CNOT6L: variants seen among roughly 807,000 people sequenced by gnomAD.
CNOT6L encodes CCR4-NOT transcription complex subunit 6 like, also known as CCR4-NOT transcription complex subunit 6-like.
Under a neutral mutation model 64.0 loss-of-function variants are expected in CNOT6L, and 7 were observed. The observed-to-expected ratio is 0.11, with a 90% CI of 0.06 to 0.21. The LOEUF (loss-of-function observed/expected upper bound fraction) is 0.21, where lower values mean the gene tolerates loss of function less well. CNOT6L is among the 10% of genes least tolerant of loss of function. The pLI is 1.00. For missense variants in CNOT6L, 245 were observed against 669.0 expected, an observed-to-expected ratio of 0.37 and a Z score of 6.99; for synonymous variants, 193 against 243.4, an observed-to-expected ratio of 0.79 and a Z score of 1.93.
At chr4:77,815,267 C>T (rs1733438102) in intron 1 of CNOT6L, among the ~76,000 whole-genome samples, 1 of 152,182 alleles carries the variant, frequency 6.6e-6, no homozygotes, top group African/African-American at 2.4e-5. Context: ...ACTGCCAGAA[C>T]TCATTAAAGC....
At chr4:77,813,325 A>AATAG (rs3053876) in intron 1 of CNOT6L, among the ~76,000 whole-genome samples, 120,170 of 151,544 alleles carry the variant, frequency 0.79, 48,409 homozygotes, top group Non-Finnish European at 0.86. Flanking sequence ...ATAGATTAGA[A>AATAG]ATAGATATAT....
At chr4:77,792,726 A>AG (rs33915942) in intron 1 of CNOT6L, among the ~76,000 whole-genome samples, 5 of 9,396 alleles carry the variant, frequency 5.3e-4, no homozygotes, top group Non-Finnish European at 2.1e-3. Context: ...ACTCTGCCTT[A>AG]AAAAAAAAAA....
At chr4:77,813,210 T>A (rs1184352901) in intron 1 of CNOT6L, among the ~76,000 whole-genome samples, 1 of 152,146 alleles carries the variant, frequency 6.6e-6, no homozygotes, top group Non-Finnish European at 1.5e-5. Context: ...GGATCAAAGA[T>A]CTAAATGTAA....
In CNOT6L at chr4:77,773,173, T is replaced by TA. The variant is rs77348463; in HGVS notation, c.315-8dup. 49,732 of 1,261,226 alleles carry TA rather than the reference T, an allele frequency of 0.039. No homozygotes were observed. The highest frequency in any genetic ancestry group is 0.044 in the Non-Finnish European group (40,503 of 929,648). 78.1% of individuals were successfully genotyped at this position (1,261,226 alleles called of 1,614,324 possible). A position where few individuals can be genotyped will look rare whatever the true frequency, so the allele number is the denominator to read the frequency against. On this transcript the variant is annotated splice_polypyrimidine_tract_variant and splice_region_variant and intron_variant, in intron 3 of 11. Coordinates refer to ENST00000504123, the MANE Select transcript of CNOT6L (RefSeq NM_144571.3). ...GTTATTTAAAAGCAATTCCCTGTTT[T>TA]AAAAAAAAAAAAAAAATTAGTTTAA...
chr4:77,778,718 C>A (rs182495305), intron 1 of CNOT6L, among the ~76,000 whole-genome samples: 1 of 151,534 alleles, frequency 6.6e-6, no homozygotes, highest in African/African-American at 2.4e-5. Flanking sequence ...GCGTGAGCCA[C>A]GGCACCCAGC....
rs1466849505 is a variant in CNOT6L, at chr4:77,716,852, GAAT to G, written c.*3576_*3578del. On this transcript the variant is annotated 3_prime_UTR_variant, in exon 12 of 12. Coordinates refer to ENST00000504123, the MANE Select transcript of CNOT6L (RefSeq NM_144571.3). ...TTAGTAAAATTAAATACCTGCCTAT[GAAT>G]ATCAGAAAAGTAATTTGAAAAGAAA... 2 of 152,440 alleles carry G rather than the reference GAAT, an allele frequency of 1.3e-5. No homozygotes were observed. The highest frequency in any genetic ancestry group is 2.9e-5 in the Non-Finnish European group (2 of 67,992). The allele number at this position is 152,440 out of a possible 1,614,324, so 9.4% of individuals were successfully genotyped here.
At chr4:77,803,459 T>C (rs1731836322) in intron 1 of CNOT6L, among the ~76,000 whole-genome samples, 1 of 152,254 alleles carries the variant, frequency 6.6e-6, no homozygotes, top group Admixed American at 6.5e-5. Flanking sequence ...CCTAAAAATT[T>C]ATACTTTAAA....
intron 7 of CNOT6L, among the ~76,000 whole-genome samples, chr4:77,743,666 A>G (rs1446321490): frequency 7.8e-6 from 1 of 128,980 alleles, no homozygotes. Context: ...CAGTGGTGCA[A>G]TCTCTGATCA....
rs1577939701 is a variant in CNOT6L at position 77,744,724 on chromosome 4, A to G, written c.711T>C (p.Ser237=). 1.2e-5 allele frequency: 19 copies of G among 1,610,444 alleles called. No homozygotes were observed. Among genetic ancestry groups the G allele is most frequent in the Non-Finnish European group, 1.6e-5 (19 of 1,178,456 alleles). ...TTAATTTCTATGGTGTTACCTGAAG[A>G]CTAATGATATCTGCGTCACAGTTAA... is the stretch of plus-strand genomic sequence containing the variant. ...EIVNCDADII[S]LQEVETEQYF... The change falls in exon 7 of 12, where the codon AGT becomes AGC. Residue 237 remains serine, a synonymous_variant. Transcript: ENST00000504123.
At chr4:77,753,100 A>G (rs1447632654) in intron 5 of CNOT6L, among the ~76,000 whole-genome samples, 3 of 151,438 alleles carry the variant, frequency 2.0e-5, no homozygotes, top group Non-Finnish European at 4.4e-5. Flanking sequence ...AGAAAACACA[A>G]CTTTCAGAAA....
At chr4:77,737,751 A>G (rs1560579486) in intron 8 of CNOT6L, among the ~76,000 whole-genome samples, 1 of 151,924 alleles carries the variant, frequency 6.6e-6, no homozygotes, top group East Asian at 1.9e-4. Context: ...AAGTGCATCC[A>G]CATTCATTAT....
At chr4:77,810,068 A>G (rs556485345) in intron 1 of CNOT6L, among the ~76,000 whole-genome samples, 1 of 152,272 alleles carries the variant, frequency 6.6e-6, no homozygotes, top group South Asian at 2.1e-4. Flanking sequence ...AAAAATAATG[A>G]AAACTAATAA....
intron 1 of CNOT6L, among the ~76,000 whole-genome samples, chr4:77,806,815 T>G (rs1226575063): frequency 6.6e-6 from 1 of 152,164 alleles, no homozygotes; most frequent in African/African-American, 2.4e-5. Context: ...GAAATTTACT[T>G]ACTTTCCCAC....
chr4:77,717,902 C>CATT lies in CNOT6L; in HGVS notation c.*2526_*2528dup, dbSNP rs1720913204. 1 of 152,518 alleles carries CATT rather than the reference C, an allele frequency of 6.6e-6. No homozygotes were observed. Among genetic ancestry groups the CATT allele is most frequent in the South Asian group, 2.1e-4 (1 of 4,830 alleles). The allele number at this position is 152,518 out of a possible 1,614,324, so 9.4% of individuals were successfully genotyped here. ...CTACTACCAACATTTACTAAAACCA[C>CATT]ATTAAAAATACACAGGATAATGAAT... On this transcript the variant is annotated 3_prime_UTR_variant, in exon 12 of 12. Coordinates refer to ENST00000504123, the MANE Select transcript of CNOT6L (RefSeq NM_144571.3).
At chr4:77,776,130 C>T in intron 2 of CNOT6L, 141 bp downstream of exon 2, 1 of 780,326 alleles carries the variant, frequency 1.3e-6, no homozygotes, top group Non-Finnish European at 2.0e-6. Flanking sequence ...ACACATAAAA[C>T]AGAAAACACT....
intron 4 of CNOT6L, among the ~76,000 whole-genome samples, chr4:77,757,431 A>T (rs1347173416): frequency 6.6e-6 from 1 of 152,198 alleles, no homozygotes; most frequent in African/African-American, 2.4e-5. Flanking sequence ...AAGATATGTG[A>T]GTGAAATGTG....
chr4:77,729,137 G>T, intron 9 of CNOT6L, 56 bp from the exon 10 acceptor site: 1 of 1,368,184 alleles, frequency 7.3e-7, no homozygotes, highest in Non-Finnish European at 1.0e-6. Flanking sequence ...TTGAAGAAAT[G>T]TGGCATCCTC....
intron 4 of CNOT6L, among the ~76,000 whole-genome samples, chr4:77,767,175 A>C (rs574945403): frequency 7.2e-4 from 107 of 149,016 alleles, no homozygotes; most frequent in African/African-American, 2.6e-3. Flanking sequence ...TGATTGGTGT[A>C]GAAAGCTATA....
At chr4:77,810,857 T>C (rs1443841943) in intron 1 of CNOT6L, among the ~76,000 whole-genome samples, 1 of 152,128 alleles carries the variant, frequency 6.6e-6, no homozygotes, top group African/African-American at 2.4e-5. Flanking sequence ...AGAGATCGAC[T>C]TTTTTTGGCT....
Sources: gnomAD v4.1 joint callset for allele counts (sites outside exome capture counted in the v4.1 genomes callset) on GRCh38, gnomAD v4.1.1 for gene constraint, MANE v1.5 for transcripts, NCBI Gene and HGNC (gene_info 2026-07-23, HGNC 2026-07-21) for gene names.